Variants in HCRTR2 observed in about 807,000 individuals in gnomAD.
HCRTR2 encodes orexin receptor type 2.
In HCRTR2, 22 loss-of-function variants were observed where a neutral mutation model predicts 49.0. The observed-to-expected ratio is 0.45, with a 90% CI of 0.32 to 0.64. The LOEUF (loss-of-function observed/expected upper bound fraction) is 0.64. HCRTR2 is among the 30% of genes least tolerant of loss of function. The probability of loss-of-function intolerance (pLI) is 0.04; values close to 1 mark genes in which losing one functional copy is unlikely to be tolerated. For synonymous variants in HCRTR2, 236 were observed against 205.3 expected (o/e 1.15, Z -1.28); for missense variants, 491 against 559.4 (o/e 0.88, Z 1.23).
chr6:55,108,544 A>G (rs1225127812), intron 1 of HCRTR2, among the ~76,000 whole-genome samples: 1 of 151,796 alleles, frequency 6.6e-6, no homozygotes, highest in Admixed American at 6.6e-5. Context: ...TCTAGGTTAA[A>G]TCCTTCATGA....
chr6:55,193,488 GAAAC>G (rs1765355957), intron 1 of HCRTR2, among the ~76,000 whole-genome samples: 1 of 151,110 alleles, frequency 6.6e-6, no homozygotes, highest in African/African-American at 2.4e-5. Flanking sequence ...GAACGACAAA[GAAAC>G]AACAACAACA....
Position 55,145,400 on chromosome 6 carries a change from T to TTTTTTTG in HCRTR2, c.-377-28807_-377-28806insTTGTTTT, listed in dbSNP as rs1554167931. On this transcript the variant is annotated intron_variant, in intron 1 of 7. Coordinates refer to the HCRTR2 transcript ENST00000615358. ...CGTCTCATAACATTCTTTGTTTTTT[T>TTTTTTTG]TTTTGTTTTTTTGTTTGTTTTTTTT... Among the ~76,000 whole-genome samples the TTTTTTTG allele has an allele frequency of 8.0e-5, 10 of 124,322 alleles. No individual in the cohort carries two copies. In the Admixed American group the frequency reaches 8.5e-4, roughly 11 times the overall value. The allele number at this position is 124,322 out of a possible 152,430, so 81.6% of individuals were successfully genotyped here. A position where few individuals can be genotyped will look rare whatever the true frequency, so the allele number is the denominator to read the frequency against.
intron 1 of HCRTR2, among the ~76,000 whole-genome samples, chr6:55,177,123 A>G (rs912251604): frequency 6.6e-5 from 10 of 152,188 alleles, no homozygotes; most frequent in African/African-American, 2.4e-4. Context: ...CAGTAAGGCT[A>G]CTTGTTTCAT....
At chr6:55,177,563 C>A (rs984257925) in intron 1 of HCRTR2, among the ~76,000 whole-genome samples, 3 of 152,128 alleles carry the variant, frequency 2.0e-5, no homozygotes, top group African/African-American at 4.8e-5. Context: ...GTGTAGGCAG[C>A]AGATGTAATC....
chr6:55,180,356 G>A (rs1765110410), intron 1 of HCRTR2, among the ~76,000 whole-genome samples: 1 of 152,112 alleles, frequency 6.6e-6, no homozygotes, highest in South Asian at 2.1e-4. Context: ...GAGATGCATA[G>A]GCAAAAAGAG....
At chr6:55,239,465 G>A (rs1439094286) in intron 1 of HCRTR2, among the ~76,000 whole-genome samples, 1 of 152,148 alleles carries the variant, frequency 6.6e-6, no homozygotes, top group Non-Finnish European at 1.5e-5. Flanking sequence ...AGGATTCAGT[G>A]GTATAGCATT....
intron 1 of HCRTR2, among the ~76,000 whole-genome samples, chr6:55,118,270 A>G (rs990031671): frequency 2.6e-5 from 4 of 151,904 alleles, no homozygotes; most frequent in Non-Finnish European, 5.9e-5. Context: ...CATGGTGTAT[A>G]TGCACCACAT....
intron 1 of HCRTR2, among the ~76,000 whole-genome samples, chr6:55,185,452 C>T (rs1051071773): frequency 6.6e-6 from 1 of 152,106 alleles, no homozygotes; most frequent in African/African-American, 2.4e-5. Context: ...GAAGCCAAAT[C>T]ATCTTAGAGA....
At chr6:55,207,759 G>A (rs1014894231) in intron 1 of HCRTR2, among the ~76,000 whole-genome samples, 3 of 152,140 alleles carry the variant, frequency 2.0e-5, no homozygotes, top group Admixed American at 2.0e-4. Flanking sequence ...CAGTCAAGGT[G>A]ACTGATAAAG....
At chr6:55,107,505 G>A (rs1203382732) in intron 1 of HCRTR2, among the ~76,000 whole-genome samples, 3 of 151,880 alleles carry the variant, frequency 2.0e-5, no homozygotes, top group Non-Finnish European at 2.9e-5. Flanking sequence ...ACAAATATAT[G>A]TATTTCTCCC....
intron 1 of HCRTR2, among the ~76,000 whole-genome samples, chr6:55,242,735 T>G (rs1186036299): frequency 2.0e-5 from 3 of 152,238 alleles, no homozygotes; most frequent in African/African-American, 7.2e-5. Context: ...GCATATCACC[T>G]TAGTTTACAT....
At chr6:55,129,962 C>T (rs4476828) in intron 1 of HCRTR2, among the ~76,000 whole-genome samples, 8,660 of 152,040 alleles carry the variant, frequency 0.057, 376 homozygotes, top group African/African-American at 0.11. Context: ...TGCTAACCCA[C>T]GTGTATTTTC....
chr6:55,240,078 G>C (rs921452589), intron 1 of HCRTR2, among the ~76,000 whole-genome samples: 1 of 151,822 alleles, frequency 6.6e-6, no homozygotes, highest in Non-Finnish European at 1.5e-5. Flanking sequence ...CGCCCGGCCA[G>C]TAAATAGTTT....
intron 1 of HCRTR2, among the ~76,000 whole-genome samples, chr6:55,157,885 C>G (rs1360333589): frequency 2.0e-5 from 3 of 152,178 alleles, no homozygotes; most frequent in African/African-American, 7.2e-5. Context: ...CATTTGATAC[C>G]TGAAAAGCTT....
chr6:55,236,756 A>G (rs1173466912), intron 1 of HCRTR2, among the ~76,000 whole-genome samples: 1 of 152,104 alleles, frequency 6.6e-6, no homozygotes, highest in African/African-American at 2.4e-5. Flanking sequence ...CAGTTTTATG[A>G]TAATATAAGT....
intron 3 of HCRTR2, among the ~76,000 whole-genome samples, chr6:55,260,324 A>G (rs1766731087): frequency 6.6e-6 from 1 of 152,168 alleles, no homozygotes. Flanking sequence ...TAAAAGTTCA[A>G]AGCCTCTTAG....
At chr6:55,186,239 T>A (rs1391251094) in intron 1 of HCRTR2, among the ~76,000 whole-genome samples, 9 of 152,224 alleles carry the variant, frequency 5.9e-5, no homozygotes. Flanking sequence ...AGTGTAAGAC[T>A]TCCAGCAGGA....
intron 1 of HCRTR2, among the ~76,000 whole-genome samples, chr6:55,130,416 C>A (rs1764339265): frequency 6.8e-6 from 1 of 148,030 alleles, no homozygotes; most frequent in Non-Finnish European, 1.5e-5. Context: ...CTCCTTCATT[C>A]TTTAAAAGTA....
At chr6:55,271,734 A>G (rs1290873924) in intron 4 of HCRTR2, among the ~76,000 whole-genome samples, 2 of 152,168 alleles carry the variant, frequency 1.3e-5, no homozygotes, top group Admixed American at 1.3e-4. Context: ...AATTCTGCAA[A>G]GAAGATATAC....
Sources: allele counts gnomAD v4.1 joint callset (sites outside exome capture counted in the v4.1 genomes callset), GRCh38; gene constraint gnomAD v4.1.1; transcripts MANE v1.5; gene names NCBI Gene and HGNC (gene_info 2026-07-23, HGNC 2026-07-21).